RHD: variants seen among roughly 807,000 people sequenced by gnomAD.
RHD encodes Rh blood group D antigen, also known as blood group Rh(D) polypeptide.
A neutral mutation model predicts 45.5 loss-of-function variants in RHD; 16 were observed. The ratio of observed to expected loss-of-function variants is 0.35; its 90% CI spans 0.24 to 0.53. The LOEUF is 0.53. RHD is among the 20% of genes least tolerant of loss of function. The pLI is 0.92. For missense variants in RHD, 306 were observed against 532.0 expected (o/e 0.58, Z 4.18); for synonymous variants, 131 against 217.5 (o/e 0.60, Z 3.50).
intron 2 of RHD, among the ~76,000 whole-genome samples, chr1:25,285,537 C>G (rs28563842): frequency 0.014 from 1,878 of 134,952 alleles, 237 homozygotes; most frequent in African/African-American, 0.046. Context: ...GCTTTGTTTA[C>G]ATGCATTTGT....
chr1:25,321,669 C>CCAAATAAAT, intron 8 of RHD, among the ~76,000 whole-genome samples: 2 of 12,212 alleles, frequency 1.6e-4, no homozygotes, highest in Non-Finnish European at 1.2e-3. Flanking sequence ...GACTCTGTCT[C>CCAAATAAAT]AAAATAAATA....
At chr1:25,318,611 T>C (rs1416726000) in intron 8 of RHD, among the ~76,000 whole-genome samples, 3 of 131,726 alleles carry the variant, frequency 2.3e-5, no homozygotes, top group African/African-American at 7.7e-5. Context: ...AAAATATACA[T>C]TCCATCCAGA....
chr1:25,303,792 A>G (rs1643585790), intron 6 of RHD, among the ~76,000 whole-genome samples: 1 of 130,270 alleles, frequency 7.7e-6, no homozygotes, highest in South Asian at 2.3e-4. Context: ...CTTTTCCTGA[A>G]TATCTGCTTT....
In RHD at chr1:25,320,198, G is replaced by A. The variant is rs150322677; in HGVS notation, c.1154-1691G>A. Among the ~76,000 whole-genome samples the A allele has an allele frequency of 3.6e-3, 479 of 131,752 alleles. 68 individuals carry two copies. The highest frequency in any genetic ancestry group is 0.016 in the Middle Eastern group (4 of 244). The allele number at this position is 131,752 out of a possible 152,430, so 86.4% of individuals were successfully genotyped here. ...CAGGGATAAGCCACTGCGACCGGCC[G>A]ACAAATTCTTAAAACTGGACACAAG... is the stretch of plus-strand genomic sequence containing the variant. On this transcript the variant is annotated intron_variant, in intron 8 of 9. Transcript: ENST00000328664.
At position 25,305,234 on chromosome 1, in the gene RHD, T is replaced by TA. The variant is rs1643707741; in HGVS notation, c.940-1361dup. On this transcript the variant is annotated intron_variant, in intron 6 of 9. Transcript: ENST00000328664. ...AGAAGGCACAGTGTGTATGAAAGCTTATTGTTAAGAAGAGTGTGTGGCCCA... is the reference window on the plus strand; with the variant it reads ...AGAAGGCACAGTGTGTATGAAAGCTTAATTGTTAAGAAGAGTGTGTGGCCCA... 2.3e-5 allele frequency among the ~76,000 whole-genome samples: 3 copies of TA among 130,700 alleles called. 1 individual carries two copies. In the East Asian group the frequency reaches 5.9e-4, roughly 26 times the overall value. The allele number at this position is 130,700 out of a possible 152,430, so 85.7% of individuals were successfully genotyped here. A position where few individuals can be genotyped will look rare whatever the true frequency, so the allele number is the denominator to read the frequency against.
rs1644745575 is a variant in RHD, at chr1:25,322,176, T to C, written c.1227+214T>C. Among the ~76,000 whole-genome samples the C allele has an allele frequency of 1.5e-5, 2 of 131,442 alleles. 1 individual carries two copies. The highest frequency in any genetic ancestry group is 3.6e-5 in the Non-Finnish European group (2 of 55,442). The allele number at this position is 131,442 out of a possible 152,430, so 86.2% of individuals were successfully genotyped here. On this transcript the variant is annotated intron_variant, in intron 9 of 9. Coordinates refer to ENST00000328664, the MANE Select transcript of RHD (RefSeq NM_016124.6). ...GTGGTAAAGGTCACCATTTCCCTGATACCTCAAATTCATTCAGAGTCAGGG... is the reference window on the plus strand; with the variant it reads ...GTGGTAAAGGTCACCATTTCCCTGACACCTCAAATTCATTCAGAGTCAGGG...
At position 25,300,956 on chromosome 1, in the gene RHD, A is replaced by C. The variant is rs776018445; in HGVS notation, c.497A>C (p.His166Pro). The C allele has an allele frequency of 1.6e-5, 22 of 1,378,564 alleles. 4 individuals carry two copies. The highest frequency in any genetic ancestry group is 3.6e-4 in the Middle Eastern group (2 of 5,498). 85.4% of individuals were successfully genotyped at this position (1,378,564 alleles called of 1,614,324 possible). The change falls in exon 4 of 10, where the codon CAC (histidine) becomes CCC (proline). Residue 166 changes from histidine to proline, a missense_variant. Coordinates refer to ENST00000328664, the MANE Select transcript of RHD (RefSeq NM_016124.6). ...TGGGTTTTATTGCAGACAGACTACC[A>C]CATGAACATGATGCACATCTACGTG... ...VISNIFNTDY[H>P]MNMMHIYVFA...
chr1:25,320,416 G>T (rs2124136010), intron 8 of RHD, among the ~76,000 whole-genome samples: 1 of 132,308 alleles, frequency 7.6e-6, no homozygotes, highest in African/African-American at 2.6e-5. Context: ...CCTCAGTGAT[G>T]AGTAAGCCTC....
In RHD at chr1:25,309,572, T is replaced by A. The variant is rs1185594196; in HGVS notation, c.1073+2843T>A. ...AATAAGTCTATTTGGAGAAAAAAAA[T>A]TTTAATAGCATCTCTGGAATGCCAG... On this transcript the variant is annotated intron_variant, in intron 7 of 9. Coordinates refer to ENST00000328664, the MANE Select transcript of RHD (RefSeq NM_016124.6). Among the ~76,000 whole-genome samples, 15 of 128,662 alleles carry A rather than the reference T, an allele frequency of 1.2e-4. 2 individuals carry two copies. Among genetic ancestry groups the A allele is most frequent in the African/African-American group, 2.0e-4 (7 of 35,444 alleles). The allele number at this position is 128,662 out of a possible 152,430, so 84.4% of individuals were successfully genotyped here.
chr1:25,286,174 C>G (rs1439379095), intron 2 of RHD, among the ~76,000 whole-genome samples: 1 of 135,244 alleles, frequency 7.4e-6, no homozygotes, highest in African/African-American at 2.6e-5. Flanking sequence ...AGGGAAAAAA[C>G]TTTATATATT....
Position 25,290,628 on chromosome 1 carries a change from C to A in RHD, c.336-13C>A. 1 of 1,373,024 alleles carries A rather than the reference C, an allele frequency of 7.3e-7. No homozygotes were observed. The highest frequency in any genetic ancestry group is 1.8e-4 in the Middle Eastern group (1 of 5,490). The allele number at this position is 1,373,024 out of a possible 1,614,324, so 85.1% of individuals were successfully genotyped here. On this transcript the variant is annotated splice_polypyrimidine_tract_variant and intron_variant, in intron 2 of 9. Coordinates refer to ENST00000328664, the MANE Select transcript of RHD (RefSeq NM_016124.6). ...TCCTTCTCAGTCGTCCTGGCTCTCC[C>A]TCTCTCCCCCAGTATTCGGCTGGCC...
chr1:25,273,302 A>ATTTTT lies in RHD; in HGVS notation c.148+623_148+627dup, dbSNP rs750823240. Among the ~76,000 whole-genome samples, 340 of 97,766 alleles carry ATTTTT rather than the reference A, an allele frequency of 3.5e-3. 6 individuals carry two copies. The highest frequency in any genetic ancestry group is 0.012 in the African/African-American group (323 of 27,052). 64.1% of individuals were successfully genotyped at this position (97,766 alleles called of 152,430 possible). On this transcript the variant is annotated intron_variant, in intron 1 of 9. Transcript: ENST00000328664. ...AGGAGGGCACCACCATGCCTGGCTA[A>ATTTTT]TTTTTTTTTTTTTTTTTTTTGGTAG... is the stretch of plus-strand genomic sequence containing the variant.
At chr1:25,314,988 A>G (rs1447626425) in intron 7 of RHD, among the ~76,000 whole-genome samples, 2 of 129,568 alleles carry the variant, frequency 1.5e-5, no homozygotes, top group Non-Finnish European at 1.8e-5. Flanking sequence ...GCGGATCACA[A>G]GGTCAAGAGA....
intron 3 of RHD, among the ~76,000 whole-genome samples, chr1:25,296,570 G>C (rs186826335): frequency 7.7e-6 from 1 of 129,766 alleles, no homozygotes; most frequent in African/African-American, 2.6e-5. Context: ...GATGCAGTTG[G>C]GTTCTGTATC....
At chr1:25,277,942 G>A (rs1641158857) in intron 1 of RHD, among the ~76,000 whole-genome samples, 1 of 133,098 alleles carries the variant, frequency 7.5e-6, no homozygotes, top group African/African-American at 2.6e-5. Context: ...CCAAAGTGCT[G>A]GGATTACAGG....
chr1:25,318,730 C>A lies in RHD; in HGVS notation c.1153+1651C>A, dbSNP rs1160024702. ...AATAAGAGACAAATGGCGTAAGACA[C>A]TATGAGTTGTGTGACGTTGGGCATG... On this transcript the variant is annotated intron_variant, in intron 8 of 9. Coordinates refer to ENST00000328664, the MANE Select transcript of RHD (RefSeq NM_016124.6). Among the ~76,000 whole-genome samples the A allele has an allele frequency of 1.5e-5, 2 of 133,054 alleles. 1 individual carries two copies. The highest frequency in any genetic ancestry group is 1.5e-4 in the Admixed American group (2 of 13,696). The allele number at this position is 133,054 out of a possible 152,430, so 87.3% of individuals were successfully genotyped here.
At position 25,301,733 on chromosome 1, in the gene RHD, A is replaced by G. The variant is rs1251868342; in HGVS notation, c.801+47A>G. 8 of 1,285,752 alleles carry G rather than the reference A, an allele frequency of 6.2e-6. 2 individuals carry two copies. Among genetic ancestry groups the G allele is most frequent in the Non-Finnish European group, 8.9e-6 (8 of 894,700 alleles). The allele number at this position is 1,285,752 out of a possible 1,614,324, so 79.6% of individuals were successfully genotyped here. On this transcript the variant is annotated intron_variant, in intron 5 of 9. Coordinates refer to ENST00000328664, the MANE Select transcript of RHD (RefSeq NM_016124.6). ...GGCAGCACTTGGGTCTAACAGGACT[A>G]GCACACATATTTATGCCCCTCCCCA... is the stretch of plus-strand genomic sequence containing the variant.
intron 6 of RHD, chr1:25,304,740 C>A (rs1296209696): frequency 2.3e-5 from 3 of 131,786 alleles, no homozygotes; most frequent in East Asian, 3.9e-4. Flanking sequence ...ATCAATACTT[C>A]GATTAACCAA....
chr1:25,322,032 T>C (rs1571760034), intron 9 of RHD, 70 bp downstream of exon 9: 2 of 829,374 alleles, frequency 2.4e-6, no homozygotes, highest in Non-Finnish European at 2.1e-6. Context: ...TGAGTATATA[T>C]GTTGACTTGC....
Sources: gnomAD v4.1 joint callset for allele counts (sites outside exome capture counted in the v4.1 genomes callset) on GRCh38, gnomAD v4.1.1 for gene constraint, MANE v1.5 for transcripts, NCBI Gene and HGNC (gene_info 2026-07-23, HGNC 2026-07-21) for gene names.